GALK1: variants seen among roughly 807,000 people sequenced by gnomAD.
GALK1 encodes galactokinase 1.
In GALK1, 30 loss-of-function variants were observed where a neutral mutation model predicts 38.6. That is an observed-to-expected ratio of 0.78 (90% CI 0.58 to 1.05). The LOEUF is 1.05. Among genes scored for constraint, GALK1 ranks in the 50% least tolerant of loss-of-function variants. GALK1 has a pLI of 0.00. For synonymous variants in GALK1, 240 were observed against 233.6 expected (o/e 1.03, Z -0.25); for missense variants, 512 against 540.5 (o/e 0.95, Z 0.52).
At chr17:75,756,124 C>G (rs1017654604), downstream of GALK1, among the ~76,000 whole-genome samples, 1 of 152,210 alleles carries the variant, frequency 6.6e-6, no homozygotes, top group African/African-American at 2.4e-5. Flanking sequence ...ATCCTAGGGC[C>G]TCTGCTGGCC....
At chr17:75,762,023 A>G (rs1159021897) in intron 5 of GALK1, among the ~76,000 whole-genome samples, 8 of 151,794 alleles carry the variant, frequency 5.3e-5, no homozygotes, top group Non-Finnish European at 1.0e-4. Context: ...TCTGTGTCCA[A>G]AAAAAAAACA....
In GALK1 at chr17:75,758,335, G is replaced by A. The variant is rs374440207; in HGVS notation, c.982C>T (p.Leu328=). The A allele has an allele frequency of 6.3e-6, 10 of 1,594,660 alleles. No homozygotes were observed. The highest frequency in any genetic ancestry group is 8.5e-6 in the Non-Finnish European group (10 of 1,171,556). ...GGCACAGCAAGCGCAGCCTCCACCAGCTGGTCCAGCTCTGGGCAGCTCACC... is the reference window on the plus strand; with the variant it reads ...GGCACAGCAAGCGCAGCCTCCACCAACTGGTCCAGCTCTGGGCAGCTCACC... ...YEVSCPELDQ[L]VEAALAVPGV... The change falls in exon 7 of 8, where the codon CTG becomes TTG. Residue 328 remains leucine (L), a synonymous_variant. Transcript: ENST00000588479.
At chr17:75,764,757 C>G in intron 1 of GALK1, 1 of 632,908 alleles carries the variant, frequency 1.6e-6, no homozygotes, top group Non-Finnish European at 2.8e-6. Flanking sequence ...CAAGAGGCGG[C>G]CGCGCACCCT....
chr17:75,760,405 A>G (rs2061582378), intron 5 of GALK1, among the ~76,000 whole-genome samples: 1 of 151,224 alleles, frequency 6.6e-6, no homozygotes. Flanking sequence ...AGCCTACAAT[A>G]CTTGTGTCTC....
chr17:75,756,814 G>T (rs759160067), downstream of GALK1: 3 of 1,612,484 alleles, frequency 1.9e-6, no homozygotes, highest in African/African-American at 1.3e-5. Context: ...GCCCAATGGG[G>T]ATATCGTCGG....
At chr17:75,759,867 C>T (rs778498634) in intron 5 of GALK1, among the ~76,000 whole-genome samples, 9 of 152,150 alleles carry the variant, frequency 5.9e-5, no homozygotes, top group Non-Finnish European at 1.0e-4. Context: ...GCAGCACGGC[C>T]AGCCAGTCAA....
intron 8 of GALK1, chr17:75,752,442 G>T: frequency 6.2e-7 from 1 of 1,613,308 alleles, no homozygotes; most frequent in Non-Finnish European, 8.5e-7. Flanking sequence ...CCCCTGCCCT[G>T]CAGTCCCCAT....
At chr17:75,754,954 G>A (rs554687529), downstream of GALK1, 105 of 1,260,860 alleles carry the variant, frequency 8.3e-5, 1 homozygote, top group African/African-American at 1.5e-3. Context: ...ACGCACACAC[G>A]TGCACACGCA....
In GALK1 at chr17:75,758,512, G is replaced by A; in HGVS notation, c.881C>T (p.Ala294Val). 6.3e-7 allele frequency: 1 copy of A among 1,580,790 alleles called. No individual in the cohort carries two copies. The highest frequency in any genetic ancestry group is 8.6e-7 in the Non-Finnish European group (1 of 1,167,148). Residue 294 changes from alanine to valine, a missense_variant, in exon 6 of 8, where the codon GCC (alanine) becomes GTC (valine). By Grantham distance (64) the Ala-to-Val change is moderately conservative. Transcript: ENST00000588479. ...EIRRTAQAAAALRRGDYRAFG... is the reference protein window; with the variant it reads ...EIRRTAQAAAVLRRGDYRAFG... Reference sequence around the variant, plus strand: ...GGCTCTGTAGTCGCCACGTCTCAGGGCGGCCGCTGCCTGGGCCGTGCGCCG... The same window carrying A: ...GGCTCTGTAGTCGCCACGTCTCAGGACGGCCGCTGCCTGGGCCGTGCGCCG...
In GALK1 at chr17:75,762,755, G is replaced by A. The variant is rs541580127; in HGVS notation, c.742C>T (p.Arg248Trp). 74 of 1,613,850 alleles carry A rather than the reference G, an allele frequency of 4.6e-5. No individual in the cohort carries two copies. Among genetic ancestry groups the A allele is most frequent in the East Asian group, 2.0e-4 (9 of 44,874 alleles). ...VRRRQCEEVA[R>W]ALGKESLREV... ...CGGAGGCTTTCCTTGCCCAGCGCCC[G>A]GGCCACTTCTTCACATTGGCGCCGC... Residue 248 changes from arginine to tryptophan, a missense_variant, in exon 5 of 8, where the codon CGG (arginine) becomes TGG (tryptophan). By Grantham distance (101) the Arg-to-Trp change is moderately radical. Coordinates refer to ENST00000588479, the MANE Select transcript of GALK1 (RefSeq NM_000154.2).
At chr17:75,764,887 T>G (rs534012909) in intron 1 of GALK1, 85 bp downstream of exon 1, 111 of 1,459,172 alleles carry the variant, frequency 7.6e-5, no homozygotes, top group Admixed American at 1.8e-4. Context: ...CGGGAAGAAC[T>G]CGCCCCCAGC....
At chr17:75,756,552 A>G (rs759664935), downstream of GALK1, 13 of 1,613,116 alleles carry the variant, frequency 8.1e-6, no homozygotes, top group East Asian at 6.7e-5. Flanking sequence ...TGGGGCCGAG[A>G]GCGTGAGGGT....
chr17:75,763,561 A>C, intron 2 of GALK1, 122 bp from the exon 3 acceptor site: 5 of 1,151,122 alleles, frequency 4.3e-6, no homozygotes, highest in Non-Finnish European at 6.2e-6. Context: ...TGTGTGTCTC[A>C]ATTGTCAGAA....
Position 75,765,053 on chromosome 17 carries a change from G to C in GALK1, c.84C>G (p.Pro28=), listed in dbSNP as rs757263223. 3 of 1,605,588 alleles carry C rather than the reference G, an allele frequency of 1.9e-6. No homozygotes were observed. The highest frequency in any genetic ancestry group is 1.3e-5 in the African/African-American group (1 of 74,804). The part of the protein sequence containing the change: ...RAFREEFGAE[P]ELAVSAPGRV... ...GGCCCGGCGCTGACACGGCCAGCTC[G>C]GGCTCGGCCCCGAACTCCTCCCGGA... The change falls in exon 1 of 8, where the codon CCC becomes CCG. Residue 28 remains proline, a synonymous_variant. Transcript: ENST00000588479.
intron 1 of GALK1, 146 bp downstream of exon 1, chr17:75,764,826 C>T (rs2061603850): frequency 1.2e-6 from 1 of 859,964 alleles, no homozygotes; most frequent in Admixed American, 2.4e-5. Flanking sequence ...GTCCCGGGGA[C>T]TCTTCCGTGC....
chr17:75,759,391 GC>G (rs2061576061), intron 5 of GALK1, among the ~76,000 whole-genome samples: 1 of 150,716 alleles, frequency 6.6e-6, no homozygotes, highest in Non-Finnish European at 1.5e-5. Flanking sequence ...TCATGCCACT[GC>G]ACTTCAGCCT....
chr17:75,759,427 C>CAA (rs10624000), intron 5 of GALK1, among the ~76,000 whole-genome samples: 82,954 of 143,156 alleles, frequency 0.58, 25,543 homozygotes, highest in Admixed American at 0.67. Flanking sequence ...GGCTCCCTCT[C>CAA]AAAAAAAAAG....
At chr17:75,755,782 G>T (rs778928584), downstream of GALK1, 1 of 1,612,236 alleles carries the variant, frequency 6.2e-7, no homozygotes, top group Admixed American at 1.7e-5. Context: ...CTCAGAGTGA[G>T]CTGGCAGGAG....
At chr17:75,757,145 C>T (rs373495305), downstream of GALK1, 9 of 1,612,646 alleles carry the variant, frequency 5.6e-6, no homozygotes, top group African/African-American at 5.3e-5. Flanking sequence ...CACCCCTCCT[C>T]GGGCCGTGCC....
Sources: allele counts gnomAD v4.1 joint callset (sites outside exome capture counted in the v4.1 genomes callset), GRCh38; gene constraint gnomAD v4.1.1; transcripts MANE v1.5; gene names NCBI Gene and HGNC (gene_info 2026-07-23, HGNC 2026-07-21).